The following EVC variants were observed in gnomAD, a reference collection of about 807,000 sequenced individuals.
EVC encodes EvC ciliary complex subunit 1, also known as evC complex member EVC.
Under a neutral mutation model 118.9 loss-of-function variants are expected in EVC, and 116 were observed. The observed-to-expected ratio is 0.98, with a 90% CI of 0.84 to 1.14. The LOEUF (loss-of-function observed/expected upper bound fraction) is 1.14, where lower values mean the gene tolerates loss of function less well. Among genes scored for constraint, EVC ranks in the 50% most tolerant of loss-of-function variants. The pLI is 0.00. For synonymous variants in EVC, 619 were observed against 534.7 expected, an observed-to-expected ratio of 1.16 and a Z score of -2.18; for missense variants, 1,401 against 1,246.4, an observed-to-expected ratio of 1.12 and a Z score of -1.87.
chr4:5,721,647 A>G (rs1281548888), intron 2 of EVC, among the ~76,000 whole-genome samples: 1 of 152,124 alleles, frequency 6.6e-6, no homozygotes, highest in Non-Finnish European at 1.5e-5. Flanking sequence ...GCGGGCAGAC[A>G]CTTAAGGTCA....
chr4:5,780,541 T>C (rs1172100261), intron 11 of EVC, among the ~76,000 whole-genome samples: 1 of 152,256 alleles, frequency 6.6e-6, no homozygotes, highest in African/African-American at 2.4e-5. Context: ...AACAGTGTTC[T>C]TGACTCAAAT....
At position 5,719,478 on chromosome 4, in the gene EVC, C is replaced by G. The variant is rs1225783126; in HGVS notation, c.300+105C>G. 5 of 1,543,860 alleles carry G rather than the reference C, an allele frequency of 3.2e-6. 1 individual carries two copies. In the African/African-American group the frequency reaches 5.4e-5, roughly 17 times the overall value. ...GACAAGCCTCTGACAGATATAGTTT[C>G]CCAATGGGCTGCTTTTCTGAGGCAT... On this transcript the variant is annotated intron_variant, in intron 2 of 20. Coordinates refer to ENST00000264956, the MANE Select transcript of EVC (RefSeq NM_153717.3). This position sits in a 1 kb window ranked among gnomAD's most constrained non-coding sequence, Gnocchi z 4.7.
At chr4:5,739,445 G>A (rs148151856) in intron 5 of EVC, among the ~76,000 whole-genome samples, 1 of 152,232 alleles carries the variant, frequency 6.6e-6, no homozygotes, top group African/African-American at 2.4e-5. Flanking sequence ...AAGTTGCTGG[G>A]CATTTTCTCA....
the EVC span, chr4:5,828,556 A>G: frequency 2.5e-6 from 4 of 1,614,216 alleles, no homozygotes; most frequent in Non-Finnish European, 3.4e-6. Context: ...GAAGCGGCCC[A>G]TGCCCTTGTT....
intron 11 of EVC, among the ~76,000 whole-genome samples, chr4:5,778,540 G>A (rs1380267929): frequency 6.6e-6 from 1 of 152,160 alleles, no homozygotes; most frequent in Non-Finnish European, 1.5e-5. Context: ...TCTAACTGGT[G>A]TGAGATGATA....
the EVC span, chr4:5,824,276 A>G: frequency 2.4e-5 from 24 of 984,912 alleles, no homozygotes; most frequent in Non-Finnish European, 2.9e-5. Context: ...TTGCTGATTG[A>G]GCATCACATG....
chr4:5,770,687 T>C (rs1033236818), intron 11 of EVC, among the ~76,000 whole-genome samples: 3 of 152,134 alleles, frequency 2.0e-5, no homozygotes, highest in African/African-American at 4.8e-5. Flanking sequence ...TCAATATTGA[T>C]GAATACACAA....
At chr4:5,801,396 C>T (rs1577635697) in intron 15 of EVC, among the ~76,000 whole-genome samples, 1 of 152,050 alleles carries the variant, frequency 6.6e-6, no homozygotes. Flanking sequence ...CGGAAGGCCT[C>T]GGCCGGGCGT....
intron 11 of EVC, among the ~76,000 whole-genome samples, chr4:5,759,347 A>G (rs1731657744): frequency 6.6e-6 from 1 of 152,100 alleles, no homozygotes; most frequent in Non-Finnish European, 1.5e-5. Context: ...TCCCAAGGAC[A>G]TGGTCACTTC....
intron 3 of EVC, among the ~76,000 whole-genome samples, chr4:5,730,571 C>T (rs1726636494): frequency 6.6e-6 from 1 of 152,140 alleles, no homozygotes; most frequent in Admixed American, 6.5e-5. Context: ...GAGCGTCAGC[C>T]CCACCCTGGA....
At chr4:5,815,433 C>T (rs1717519886), downstream of EVC, among the ~76,000 whole-genome samples, 1 of 152,144 alleles carries the variant, frequency 6.6e-6, no homozygotes, top group Admixed American at 6.5e-5. Flanking sequence ...CCAGTGAGGT[C>T]CAGGTGCTTC....
chr4:5,740,335 G>T (rs1159248253), intron 5 of EVC, among the ~76,000 whole-genome samples: 1 of 151,956 alleles, frequency 6.6e-6, no homozygotes, highest in Non-Finnish European at 1.5e-5. Context: ...GCCGGGTGTG[G>T]TGGCACATGC....
the EVC span, chr4:5,828,797 CT>C: frequency 8.9e-7 from 1 of 1,118,392 alleles, no homozygotes; most frequent in Non-Finnish European, 1.2e-6. Flanking sequence ...CTAAAAATAC[CT>C]TTTATTGACT....
chr4:5,740,466 A>G (rs1728351285), intron 5 of EVC, among the ~76,000 whole-genome samples: 1 of 115,972 alleles, frequency 8.6e-6, no homozygotes, highest in African/African-American at 3.7e-5. Context: ...CTGATACTCC[A>G]TCTCAAAAAA....
downstream of EVC, among the ~76,000 whole-genome samples, chr4:5,817,753 T>TACA (rs1378466376): frequency 6.6e-6 from 1 of 152,170 alleles, no homozygotes; most frequent in East Asian, 1.9e-4. Flanking sequence ...GTAGCTCTGT[T>TACA]GAGTCTATAG....
the EVC span, among the ~76,000 whole-genome samples, chr4:5,819,915 G>A: frequency 5.0e-3 from 760 of 152,278 alleles, 5 homozygotes; most frequent in African/African-American, 0.017. Flanking sequence ...ACACGAAGCC[G>A]AGGAGCGGGG....
At chr4:5,791,187 A>G (rs1360049469) in intron 12 of EVC, among the ~76,000 whole-genome samples, 1 of 152,240 alleles carries the variant, frequency 6.6e-6, no homozygotes, top group African/African-American at 2.4e-5. Flanking sequence ...TAAAGAAACA[A>G]TGTGCGAACT....
chr4:5,719,138 T>C lies in EVC; in HGVS notation c.175-110T>C. 2 of 1,404,422 alleles carry C rather than the reference T, an allele frequency of 1.4e-6. No individual in the cohort carries two copies. The highest frequency in any genetic ancestry group is 1.7e-5 in the Admixed American group (1 of 59,492). The allele number at this position is 1,404,422 out of a possible 1,614,324, so 87.0% of individuals were successfully genotyped here. A position where few individuals can be genotyped will look rare whatever the true frequency, so the allele number is the denominator to read the frequency against. ...TGAGAAGCACAGAGGCGAGCAGAAG[T>C]GGCTGCTGGACTGGGGGAGTTGACT... On this transcript the variant is annotated intron_variant, in intron 1 of 20. Coordinates refer to ENST00000264956, the MANE Select transcript of EVC (RefSeq NM_153717.3). The surrounding 1 kb of genome is among the most constrained non-coding windows in gnomAD (Gnocchi z 4.7).
At chr4:5,817,941 T>G (rs1717954089), downstream of EVC, among the ~76,000 whole-genome samples, 1 of 152,234 alleles carries the variant, frequency 6.6e-6, no homozygotes, top group African/African-American at 2.4e-5. Flanking sequence ...TCTGTCTCAC[T>G]TTTTAAGAGT....
Sources: allele counts gnomAD v4.1 joint callset (sites outside exome capture counted in the v4.1 genomes callset), GRCh38; gene constraint gnomAD v4.1.1; non-coding constraint Gnocchi (gnomAD v3.1); transcripts MANE v1.5; gene names NCBI Gene and HGNC (gene_info 2026-07-23, HGNC 2026-07-21).